CDH13: variants seen among roughly 807,000 people sequenced by gnomAD.
CDH13 encodes the protein cadherin 13.
CDH13 carries 24 observed loss-of-function variants against 63.8 expected under a neutral mutation model. That is an observed-to-expected ratio of 0.38 (90% CI 0.27 to 0.53). The LOEUF (loss-of-function observed/expected upper bound fraction) is 0.53. Among genes scored for constraint, CDH13 ranks in the 20% least tolerant of loss-of-function variants. The probability of loss-of-function intolerance (pLI) is 0.85; values close to 1 mark genes in which losing one functional copy is unlikely to be tolerated. For missense variants in CDH13, 1,049 were observed against 903.1 expected, an observed-to-expected ratio of 1.16 and a Z score of -2.07; for synonymous variants, 503 against 355.3, an observed-to-expected ratio of 1.42 and a Z score of -4.67.
chr16:83,275,303 AG>A (rs1177548438), intron 5 of CDH13, among the ~76,000 whole-genome samples: 3 of 152,182 alleles, frequency 2.0e-5, no homozygotes, highest in African/African-American at 7.2e-5. Flanking sequence ...ATGACACTTG[AG>A]AAATTAGGTC....
chr16:82,864,265 T>A (rs1027800640), intron 2 of CDH13, among the ~76,000 whole-genome samples: 1 of 152,200 alleles, frequency 6.6e-6, no homozygotes, highest in Non-Finnish European at 1.5e-5. Flanking sequence ...CTCCTGTCCA[T>A]GTTGACAAAA....
chr16:83,562,811 A>C (rs1180056015), intron 7 of CDH13, among the ~76,000 whole-genome samples: 2 of 152,214 alleles, frequency 1.3e-5, no homozygotes, highest in Admixed American at 6.5e-5. Context: ...AACTAATAAC[A>C]AACTTGGTAA....
intron 1 of CDH13, among the ~76,000 whole-genome samples, chr16:82,676,929 G>C (rs1049999401): frequency 6.6e-6 from 1 of 151,698 alleles, no homozygotes; most frequent in African/African-American, 2.4e-5. Flanking sequence ...CTGTCACCAG[G>C]CTAGAGTGCA....
intron 6 of CDH13, among the ~76,000 whole-genome samples, chr16:83,475,298 C>T (rs1013587828): frequency 1.3e-5 from 2 of 152,188 alleles, no homozygotes; most frequent in African/African-American, 4.8e-5. Flanking sequence ...TGCTGTGTGT[C>T]GTTTCTGACT....
intron 2 of CDH13, among the ~76,000 whole-genome samples, chr16:82,946,960 T>C (rs1453000183): frequency 6.6e-6 from 1 of 151,560 alleles, no homozygotes; most frequent in Non-Finnish European, 1.5e-5. Flanking sequence ...ACAATCAAAT[T>C]GTTGCTAATA....
At chr16:82,775,289 C>G (rs960951370) in intron 1 of CDH13, among the ~76,000 whole-genome samples, 1 of 152,156 alleles carries the variant, frequency 6.6e-6, no homozygotes, top group Admixed American at 6.6e-5. Flanking sequence ...AGAAAGTCAG[C>G]GGAGCCTCCT....
Position 83,549,236 on chromosome 16 carries a change from C to A in CDH13, c.961-53218C>A, listed in dbSNP as rs534863515. On this transcript the variant is annotated intron_variant, in intron 7 of 13. Coordinates refer to ENST00000567109, the MANE Select transcript of CDH13 (RefSeq NM_001257.5). ...TCACCTGGGAGAGCCCACGGGAGCA[C>A]CTGTGAGTTGGTTCCGAGAAAACAT... Among the ~76,000 whole-genome samples the A allele has an allele frequency of 3.9e-5, 6 of 152,274 alleles. No individual in the cohort carries two copies. The South Asian group carries it at 1.2e-3, about 32-fold the overall frequency.
intron 3 of CDH13, among the ~76,000 whole-genome samples, chr16:83,060,116 A>G (rs547643554): frequency 5.0e-4 from 76 of 152,078 alleles, no homozygotes; most frequent in African/African-American, 1.8e-3. Flanking sequence ...TCATAACCCA[A>G]AAGCTCTATG....
intron 2 of CDH13, among the ~76,000 whole-genome samples, chr16:82,863,901 G>C (rs2325689): frequency 0.76 from 114,729 of 151,554 alleles, 43,691 homozygotes; most frequent in East Asian, 0.88. Flanking sequence ...TAAAAAATTG[G>C]TAAGACTTGG....
intron 1 of CDH13, among the ~76,000 whole-genome samples, chr16:82,725,870 C>T (rs1405604076): frequency 2.6e-5 from 4 of 152,110 alleles, no homozygotes; most frequent in African/African-American, 7.2e-5. Context: ...TTGCAGTTCT[C>T]CAGTTACCTT....
At chr16:82,732,354 A>G (rs143528573) in intron 1 of CDH13, among the ~76,000 whole-genome samples, 89 of 152,344 alleles carry the variant, frequency 5.8e-4, no homozygotes, top group Middle Eastern at 3.4e-3. Flanking sequence ...AAGTTAGTTA[A>G]GTAATAAATG....
At chr16:83,583,816 C>A (rs1313617489) in intron 7 of CDH13, among the ~76,000 whole-genome samples, 2 of 151,994 alleles carry the variant, frequency 1.3e-5, no homozygotes, top group East Asian at 3.9e-4. Flanking sequence ...ACTCCAGAAG[C>A]TGAGGCAGAA....
At chr16:83,352,440 T>C (rs1216456980) in intron 6 of CDH13, among the ~76,000 whole-genome samples, 2 of 152,162 alleles carry the variant, frequency 1.3e-5, no homozygotes, top group East Asian at 1.9e-4. Flanking sequence ...AGAACTACCA[T>C]TTAATCCAGC....
intron 6 of CDH13, among the ~76,000 whole-genome samples, chr16:83,401,126 A>C (rs906161057): frequency 6.6e-6 from 1 of 152,154 alleles, no homozygotes; most frequent in Non-Finnish European, 1.5e-5. Flanking sequence ...GGATCACCTG[A>C]GGTCAGGAGT....
At chr16:82,656,672 C>A (rs1911331877) in intron 1 of CDH13, among the ~76,000 whole-genome samples, 1 of 152,124 alleles carries the variant, frequency 6.6e-6, no homozygotes, top group South Asian at 2.1e-4. Context: ...ATTCATGTAT[C>A]CACCATTATG....
intron 5 of CDH13, among the ~76,000 whole-genome samples, chr16:83,259,982 AC>A (rs1906765237): frequency 6.6e-6 from 1 of 152,094 alleles, no homozygotes; most frequent in Non-Finnish European, 1.5e-5. Context: ...AATGCTTCTT[AC>A]GTGGCTCTCT....
chr16:82,669,844 A>T (rs1462088706), intron 1 of CDH13, among the ~76,000 whole-genome samples: 1 of 152,182 alleles, frequency 6.6e-6, no homozygotes, highest in Non-Finnish European at 1.5e-5. Context: ...CACTTTAGGG[A>T]GTTGACAAAT....
chr16:83,259,855 A>C (rs771640313), intron 5 of CDH13, among the ~76,000 whole-genome samples: 5 of 152,092 alleles, frequency 3.3e-5, no homozygotes, highest in Non-Finnish European at 5.9e-5. Flanking sequence ...GCACCCCTTC[A>C]AGTGAAAGAA....
At chr16:83,594,932 G>A (rs947679469) in intron 7 of CDH13, among the ~76,000 whole-genome samples, 1 of 152,164 alleles carries the variant, frequency 6.6e-6, no homozygotes, top group Non-Finnish European at 1.5e-5. Flanking sequence ...GCCTGTGTCT[G>A]TGGAGATTCA....
Sources: gnomAD v4.1 joint callset for allele counts (sites outside exome capture counted in the v4.1 genomes callset) on GRCh38, gnomAD v4.1.1 for gene constraint, MANE v1.5 for transcripts, NCBI Gene and HGNC (gene_info 2026-07-23, HGNC 2026-07-21) for gene names.